The following CBX3 variants were observed in gnomAD, a reference collection of about 807,000 sequenced individuals.
The protein encoded by CBX3 is chromobox 3.
CBX3 carries 5 observed loss-of-function variants against 22.6 expected under a neutral mutation model. That is an observed-to-expected ratio of 0.22 (90% CI 0.12 to 0.47). CBX3 has a LOEUF of 0.47. Among genes scored for constraint, CBX3 ranks in the 20% least tolerant of loss-of-function variants. The pLI, the probability that CBX3 is intolerant of heterozygous loss-of-function variation, is 0.99. For missense variants in CBX3, 83 were observed against 208.1 expected, an observed-to-expected ratio of 0.40 and a Z score of 3.70; for synonymous variants, 50 against 66.6, an observed-to-expected ratio of 0.75 and a Z score of 1.21.
chr7:26,207,735 C>A (rs1584038314), intron 3 of CBX3, among the ~76,000 whole-genome samples: 1 of 151,964 alleles, frequency 6.6e-6, no homozygotes, highest in Non-Finnish European at 1.5e-5. Context: ...TCAGGCTGAT[C>A]CCAAACTCCT....
intron 2 of CBX3, 128 bp downstream of exon 2, chr7:26,203,150 AC>A: frequency 1.4e-6 from 1 of 713,144 alleles, no homozygotes; most frequent in Non-Finnish European, 2.4e-6. Context: ...AGTGTAAATT[AC>A]AGGGGAAAAT....
At chr7:26,203,881 CCTGCATTAGATT>C (rs1217763106) in intron 2 of CBX3, among the ~76,000 whole-genome samples, 17 of 152,142 alleles carry the variant, frequency 1.1e-4, no homozygotes, top group South Asian at 6.2e-4. Context: ...GTCTGTTTAC[CCTGCATTAGATT>C]CTGCATTAGA....
intron 3 of CBX3, chr7:26,208,128 G>A (rs180956892): frequency 1.2e-4 from 30 of 251,636 alleles, no homozygotes; most frequent in African/African-American, 6.3e-4. Flanking sequence ...TTGGGCTGAG[G>A]TGGAGGATCG....
chr7:26,213,512 A>G lies in CBX3; in HGVS notation c.*1304A>G, dbSNP rs537161081. On this transcript the variant is annotated 3_prime_UTR_variant, in exon 6 of 6. Transcript: ENST00000396386. ...GAGCTTACGAGTTTTAAACTTGAAT[A>G]TGTATTTCCACAGGAATGTTTCCAC... Among the ~76,000 whole-genome samples the G allele has an allele frequency of 3.3e-5, 5 of 152,274 alleles. No individual in the cohort carries two copies. The highest frequency in any genetic ancestry group is 7.4e-5 in the Non-Finnish European group (5 of 68,022).
chr7:26,203,052 G>A (rs1230111634), intron 2 of CBX3, 30 bp downstream of exon 2: 2 of 1,557,368 alleles, frequency 1.3e-6, no homozygotes, highest in Non-Finnish European at 1.8e-6. Context: ...AAATATGTAA[G>A]GATTTAACTC....
chr7:26,203,866 A>G (rs971203868), intron 2 of CBX3, among the ~76,000 whole-genome samples: 3 of 152,144 alleles, frequency 2.0e-5, no homozygotes, highest in African/African-American at 7.2e-5. Context: ...TAGATTCTGC[A>G]TTAAGTCTGT....
chr7:26,209,544 C>G (rs755286043), intron 4 of CBX3, among the ~76,000 whole-genome samples: 1 of 152,134 alleles, frequency 6.6e-6, no homozygotes, highest in Admixed American at 6.5e-5. Context: ...CATTGACCAC[C>G]GAAAAGTACT....
chr7:26,206,589 T>C (rs1244212250), intron 3 of CBX3, 79 bp downstream of exon 3: 1 of 1,284,380 alleles, frequency 7.8e-7, no homozygotes, highest in East Asian at 2.3e-5. Flanking sequence ...ACCTGGCTCT[T>C]TTACCTGCTT....
rs200166027 is a variant in CBX3, at chr7:26,202,994, A to G, written c.-5A>G. The G allele has an allele frequency of 4.4e-5, 70 of 1,605,908 alleles. 1 individual carries two copies. The East Asian group carries it at 1.6e-3, about 36-fold the overall frequency. On this transcript the variant is annotated 5_prime_UTR_variant, in exon 2 of 6. In the 5' UTR this introduces an upstream ATG that the reference lacks. Coordinates refer to ENST00000396386, the MANE Select transcript of CBX3 (RefSeq NM_016587.4). ...AGTAATAGCTCTTCAAGTCTGCAAT[A>G]AAAAATGGCCTCCAACAAAACTACA...
Position 26,201,757 on chromosome 7 carries a change from C to T in CBX3, c.-98C>T, listed in dbSNP as rs1392756184. 7 of 261,624 alleles carry T rather than the reference C, an allele frequency of 2.7e-5. No individual in the cohort carries two copies. The highest frequency in any genetic ancestry group is 1.5e-4 in the Admixed American group (3 of 20,546). The allele number at this position is 261,624 out of a possible 1,614,324, so 16.2% of individuals were successfully genotyped here. A position where few individuals can be genotyped will look rare whatever the true frequency, so the allele number is the denominator to read the frequency against. ...CGGCTCCCTCCCCCTTCGGATGTGG[C>T]TTGAGCTGTAGGCGCGGAGGGCCGG... On this transcript the variant is annotated 5_prime_UTR_variant, in exon 1 of 6. Coordinates refer to ENST00000396386, the MANE Select transcript of CBX3 (RefSeq NM_016587.4).
rs749669569 is a variant in CBX3 at position 26,203,003 on chromosome 7, C to T, written c.5C>T (p.Ala2Val). The T allele has an allele frequency of 5.0e-6, 8 of 1,608,842 alleles. No homozygotes were observed. The highest frequency in any genetic ancestry group is 1.3e-5 in the African/African-American group (1 of 74,758). Residue 2 changes from alanine to valine, a missense_variant, in exon 2 of 6, where the codon GCC becomes GTC. Around this residue, in one of 3 missense-constraint regions of CBX3, gnomAD observed 24 missense variants for 25.1 expected, o/e 0.96. Coordinates refer to ENST00000396386, the MANE Select transcript of CBX3 (RefSeq NM_016587.4). Reference sequence around the variant, plus strand: ...TCTTCAAGTCTGCAATAAAAAATGGCCTCCAACAAAACTACATTGGTAAGT... The same window carrying T: ...TCTTCAAGTCTGCAATAAAAAATGGTCTCCAACAAAACTACATTGGTAAGT... Reference protein sequence around the residue: MASNKTTLQKMG... With the variant: MVSNKTTLQKMG...
intron 2 of CBX3, among the ~76,000 whole-genome samples, chr7:26,204,414 T>C (rs960280196): frequency 2.0e-5 from 3 of 152,234 alleles, no homozygotes; most frequent in Non-Finnish European, 4.4e-5. Flanking sequence ...TCCTACCTTC[T>C]TGTACTGTAC....
Position 26,205,002 on chromosome 7 carries a change from T to C in CBX3, c.25-1366T>C, listed in dbSNP as rs543365091. ...CGGGGTTTCTCCATGTTGGTCAGGC[T>C]GGTCTCAAACTCCTGACCTCAGATG... is the stretch of plus-strand genomic sequence containing the variant. On this transcript the variant is annotated intron_variant, in intron 2 of 5. Transcript: ENST00000396386. Among the ~76,000 whole-genome samples the C allele has an allele frequency of 1.4e-4, 22 of 152,272 alleles. No individual in the cohort carries two copies. In the South Asian group the frequency reaches 2.1e-3, roughly 14 times the overall value.
chr7:26,203,775 A>G (rs932175762), intron 2 of CBX3, among the ~76,000 whole-genome samples: 2 of 152,168 alleles, frequency 1.3e-5, no homozygotes, highest in African/African-American at 4.8e-5. Context: ...AAAATAAAGC[A>G]TTTGTTTTTG....
chr7:26,210,903 A>G (rs577762508), intron 4 of CBX3, among the ~76,000 whole-genome samples: 2 of 152,110 alleles, frequency 1.3e-5, no homozygotes, highest in African/African-American at 2.4e-5. Flanking sequence ...ACCCCCTCCC[A>G]AAAAGGACTC....
intron 4 of CBX3, among the ~76,000 whole-genome samples, chr7:26,209,730 C>T (rs1784762435): frequency 6.6e-6 from 1 of 152,186 alleles, no homozygotes; most frequent in Admixed American, 6.5e-5. Context: ...AATCAGGTAA[C>T]TTCTTACTTA....
chr7:26,201,631 G>A (rs1007414860), upstream of CBX3: 2 of 147,294 alleles, frequency 1.4e-5, no homozygotes, highest in African/African-American at 2.5e-5. Flanking sequence ...CGCGGCGCGC[G>A]GCCCCTCCCC....
rs922877992 is a variant in CBX3, at chr7:26,201,763, C to T, written c.-92C>T. 16 of 262,858 alleles carry T rather than the reference C, an allele frequency of 6.1e-5. No homozygotes were observed. The highest frequency in any genetic ancestry group is 8.9e-5 in the Non-Finnish European group (12 of 134,594). 16.3% of individuals were successfully genotyped at this position (262,858 alleles called of 1,614,324 possible). ...CCTCCCCCTTCGGATGTGGCTTGAG[C>T]TGTAGGCGCGGAGGGCCGGAGACGC... On this transcript the variant is annotated 5_prime_UTR_variant, in exon 1 of 6. Transcript: ENST00000396386.
intron 3 of CBX3, among the ~76,000 whole-genome samples, chr7:26,207,067 C>CT (rs1226848678): frequency 2.0e-5 from 3 of 152,164 alleles, no homozygotes; most frequent in Non-Finnish European, 4.4e-5. Context: ...CAATTACATA[C>CT]TTTAACGCTT....
Sources: gnomAD v4.1 joint callset for allele counts (sites outside exome capture counted in the v4.1 genomes callset) on GRCh38, gnomAD v4.1.1 for gene constraint, gnomAD v4.1.1 regional missense constraint, MANE v1.5 for transcripts, NCBI Gene and HGNC (gene_info 2026-07-23, HGNC 2026-07-21) for gene names.